The following PNKD variants were observed in gnomAD, a reference collection of about 807,000 sequenced individuals.
PNKD encodes the protein probable thioesterase PNKD.
PNKD carries 36 observed loss-of-function variants against 45.3 expected under a neutral mutation model. The observed-to-expected ratio is 0.80, with a 90% CI of 0.61 to 1.05. The LOEUF (loss-of-function observed/expected upper bound fraction) is 1.05, where lower values mean the gene tolerates loss of function less well. PNKD is among the 50% of genes least tolerant of loss of function. PNKD has a pLI of 0.00. For synonymous variants in PNKD, 197 were observed against 210.1 expected (o/e 0.94, Z 0.54); for missense variants, 511 against 506.6 (o/e 1.01, Z -0.08).
At chr2:218,271,236 T>G in intron 1 of PNKD, 145 bp from the exon 2 acceptor site, 1 of 779,120 alleles carries the variant, frequency 1.3e-6, no homozygotes, top group Admixed American at 1.8e-5. Flanking sequence ...TCCCTTTGGA[T>G]TCTCCTTGGC....
At chr2:218,343,664 C>T (rs767958305) in intron 8 of PNKD, 78 bp downstream of exon 8, 7 of 1,098,488 alleles carry the variant, frequency 6.4e-6, no homozygotes, top group South Asian at 1.3e-5. Context: ...CCCCCTCACT[C>T]CCCTAGAAAG....
At chr2:218,325,637 G>A (rs1694129762) in intron 2 of PNKD, among the ~76,000 whole-genome samples, 1 of 152,134 alleles carries the variant, frequency 6.6e-6, no homozygotes, top group South Asian at 2.1e-4. Context: ...CATACAAATG[G>A]CCTGAGGAAG....
intron 2 of PNKD, among the ~76,000 whole-genome samples, chr2:218,302,422 GA>G (rs1301509415): frequency 6.6e-6 from 1 of 152,200 alleles, no homozygotes; most frequent in Admixed American, 6.5e-5. Context: ...AGTAGCTACA[GA>G]GGGGATGGGC....
At chr2:218,343,818 A>C (rs887111327) in intron 8 of PNKD, among the ~76,000 whole-genome samples, 1 of 152,180 alleles carries the variant, frequency 6.6e-6, no homozygotes, top group African/African-American at 2.4e-5. Flanking sequence ...GTCAGCCTTC[A>C]GCCTCTTGGG....
Position 218,340,116 on chromosome 2 carries a change from A to T in PNKD, c.440A>T (p.Asp147Val). Reference protein sequence around the residue: ...DTQAQLAVAVDPSDPRAVQAS... With the variant: ...DTQAQLAVAVVPSDPRAVQAS... ...CAGGCCCAGCTGGCTGTGGCTGTGG[A>T]CCCTTCAGACCCTCGGGCTGTGCAG... The change falls in exon 4 of 10, where the codon GAC (aspartate) becomes GTC (valine). Residue 147 changes from aspartate (D) to valine (V), a missense_variant. Asp to Val is a radical substitution (Grantham distance 152, BLOSUM62 -3). Coordinates refer to ENST00000273077, the MANE Select transcript of PNKD (RefSeq NM_015488.5). This position sits in a 1 kb window ranked among gnomAD's most constrained non-coding sequence, Gnocchi z 4.2. 1 of 1,612,742 alleles carries T rather than the reference A, an allele frequency of 6.2e-7. No homozygotes were observed. Among genetic ancestry groups the T allele is most frequent in the Non-Finnish European group, 8.5e-7 (1 of 1,178,990 alleles).
At chr2:218,330,026 A>G (rs373757951) in intron 2 of PNKD, among the ~76,000 whole-genome samples, 10 of 152,208 alleles carry the variant, frequency 6.6e-5, no homozygotes, top group African/African-American at 1.2e-4. Flanking sequence ...GTCCCCGGCC[A>G]GGCCCCACCA....
intron 2 of PNKD, among the ~76,000 whole-genome samples, chr2:218,298,233 A>G (rs1693194537): frequency 6.6e-6 from 1 of 152,120 alleles, no homozygotes. Context: ...AATGCTTTCC[A>G]TTCTTCCCTG....
intron 2 of PNKD, chr2:218,278,424 G>A: frequency 7.7e-7 from 1 of 1,293,390 alleles, no homozygotes; most frequent in Non-Finnish European, 1.1e-6. Flanking sequence ...TTTCCATTCA[G>A]CTGCTATAAA....
chr2:218,344,229 G>C (rs1224042900), intron 8 of PNKD, among the ~76,000 whole-genome samples: 1 of 152,178 alleles, frequency 6.6e-6, no homozygotes, highest in Admixed American at 6.5e-5. Flanking sequence ...GCCAGCTCCA[G>C]GTCTAGTGGT....
chr2:218,325,198 CTTTTTTTTTT>C (rs746439948), intron 2 of PNKD, among the ~76,000 whole-genome samples: 2 of 39,758 alleles, frequency 5.0e-5, no homozygotes, highest in African/African-American at 1.2e-4. Flanking sequence ...CGCACCCGGC[CTTTTTTTTTT>C]TTTTTTTTTT....
chr2:218,281,700 G>C lies in PNKD; in HGVS notation c.236+10151G>C, dbSNP rs7571476. On this transcript the variant is annotated intron_variant, in intron 2 of 9. Transcript: ENST00000273077. ...AGCCCCATTCTCCTGTGGTGTGTAC[G>C]TTCTGGGACATGCCTCATGGATCTC... 1.3e-5 allele frequency among the ~76,000 whole-genome samples: 2 copies of C among 152,144 alleles called. No homozygotes were observed. Among genetic ancestry groups the C allele is most frequent in the African/African-American group, 4.8e-5 (2 of 41,434 alleles).
At chr2:218,314,244 G>C (rs1296605725) in intron 2 of PNKD, among the ~76,000 whole-genome samples, 1 of 20,378 alleles carries the variant, frequency 4.9e-5, no homozygotes, top group African/African-American at 4.4e-4. Context: ...TTTTTTTTTT[G>C]AGACAGAGTC....
At chr2:218,328,374 C>T (rs908956523) in intron 2 of PNKD, among the ~76,000 whole-genome samples, 2 of 152,174 alleles carry the variant, frequency 1.3e-5, no homozygotes, top group African/African-American at 4.8e-5. Flanking sequence ...ATAAAAATAG[C>T]ACCACCCTCA....
chr2:218,301,263 C>T (rs756103778), intron 2 of PNKD, among the ~76,000 whole-genome samples: 39 of 152,104 alleles, frequency 2.6e-4, no homozygotes, highest in Non-Finnish European at 5.1e-4. Flanking sequence ...CAGCACAGAT[C>T]TATAGCGCTG....
At chr2:218,331,126 A>G (rs1004013779) in intron 2 of PNKD, among the ~76,000 whole-genome samples, 1 of 152,226 alleles carries the variant, frequency 6.6e-6, no homozygotes, top group Non-Finnish European at 1.5e-5. Context: ...AGAAGGGCAC[A>G]GGTTCCAGCC....
Position 218,340,925 on chromosome 2 carries a change from C to T in PNKD, c.524+139C>T. The T allele has an allele frequency of 1.3e-6, 1 of 741,756 alleles. No homozygotes were observed. The highest frequency in any genetic ancestry group is 1.4e-5 in the South Asian group (1 of 70,306). The allele number at this position is 741,756 out of a possible 1,614,324, so 45.9% of individuals were successfully genotyped here. The stretch of plus-strand genomic sequence containing the variant: ...CGCCTTCCTCGTGAAGTCACCTGGA[C>T]ACCAGCAGGGAGGGAGGAGAGGGGA... On this transcript the variant is annotated intron_variant, in intron 5 of 9. Coordinates refer to ENST00000273077, the MANE Select transcript of PNKD (RefSeq NM_015488.5). The surrounding 1 kb of genome is among the most constrained non-coding windows in gnomAD (Gnocchi z 4.2).
Position 218,329,209 on chromosome 2 carries a change from A to G in PNKD, c.237-10574A>G, listed in dbSNP as rs138995268. The stretch of plus-strand genomic sequence containing the variant: ...GGATGACAGAGCAAGACTCTGTGTC[A>G]AAACAAACAATCAAGCAAAAACTAA... On this transcript the variant is annotated intron_variant, in intron 2 of 9. Transcript: ENST00000273077. Among the ~76,000 whole-genome samples, 428 of 152,202 alleles carry G rather than the reference A, an allele frequency of 2.8e-3. 1 individual carries two copies. Among genetic ancestry groups the G allele is most frequent in the African/African-American group, 8.7e-3 (362 of 41,532 alleles).
Position 218,292,303 on chromosome 2 carries a change from A to G in PNKD, c.236+20754A>G, listed in dbSNP as rs367810878. On this transcript the variant is annotated intron_variant, in intron 2 of 9. Transcript: ENST00000273077. Reference sequence around the variant, plus strand: ...GGAGAGCGAAACGCCAAGGGCCAGGAGGGGAGATCCCCATCTGGAACGGGC... The same window carrying G: ...GGAGAGCGAAACGCCAAGGGCCAGGGGGGGAGATCCCCATCTGGAACGGGC... Among the ~76,000 whole-genome samples, 3 of 152,160 alleles carry G rather than the reference A, an allele frequency of 2.0e-5. No homozygotes were observed. The East Asian group carries it at 5.8e-4, about 30-fold the overall frequency.
intron 2 of PNKD, among the ~76,000 whole-genome samples, chr2:218,329,454 T>C (rs933781134): frequency 6.6e-6 from 1 of 152,204 alleles, no homozygotes; most frequent in Admixed American, 6.5e-5. Context: ...GAGACAGAAC[T>C]AGCCAAGGCC....
Sources: gnomAD v4.1 joint callset for allele counts (sites outside exome capture counted in the v4.1 genomes callset) on GRCh38, gnomAD v4.1.1 for gene constraint, Gnocchi (gnomAD v3.1) non-coding constraint, MANE v1.5 for transcripts, NCBI Gene and HGNC (gene_info 2026-07-23, HGNC 2026-07-21) for gene names.